Variants in F13A1 observed in about 807,000 individuals in gnomAD.
F13A1 encodes coagulation factor XIII A chain, also known as FSF, A subunit.
Under a neutral mutation model 80.1 loss-of-function variants are expected in F13A1, and 47 were observed. That is an observed-to-expected ratio of 0.59 (90% CI 0.46 to 0.75). The LOEUF (loss-of-function observed/expected upper bound fraction) is 0.75. F13A1 is among the 30% of genes least tolerant of loss of function. F13A1 has a pLI of 0.00. For missense variants in F13A1, 817 were observed against 930.4 expected (o/e 0.88, Z 1.59); for synonymous variants, 349 against 344.9 (o/e 1.01, Z -0.13).
chr6:6,197,436 T>C, intron 8 of F13A1, 110 bp from the exon 9 acceptor site: 2 of 1,032,724 alleles, frequency 1.9e-6, no homozygotes, highest in Non-Finnish European at 3.0e-6. Context: ...TCCCAGCAAT[T>C]TGGGAGGCCA....
At chr6:6,160,318 T>G (rs185616976) in intron 13 of F13A1, among the ~76,000 whole-genome samples, 48 of 151,266 alleles carry the variant, frequency 3.2e-4, no homozygotes, top group African/African-American at 1.1e-3. Flanking sequence ...CACTGTTGAA[T>G]TTTTCTCTGA....
intron 13 of F13A1, among the ~76,000 whole-genome samples, chr6:6,164,116 A>G (rs888806480): frequency 2.6e-5 from 4 of 152,126 alleles, no homozygotes; most frequent in Non-Finnish European, 5.9e-5. Context: ...TGTTTACAGG[A>G]AAAAAACCAA....
chr6:6,257,968 A>G (rs147793878), intron 4 of F13A1, among the ~76,000 whole-genome samples: 1,631 of 152,236 alleles, frequency 0.011, 27 homozygotes, highest in African/African-American at 0.037. Context: ...TTTTTTTCCC[A>G]GAGAAAGCTT....
intron 11 of F13A1, among the ~76,000 whole-genome samples, chr6:6,178,157 G>A (rs907568582): frequency 6.6e-6 from 1 of 152,020 alleles, no homozygotes; most frequent in East Asian, 1.9e-4. Flanking sequence ...GGCCTGAGGA[G>A]GTGAGGTGGA....
chr6:6,308,286 G>A (rs964413790), intron 2 of F13A1, among the ~76,000 whole-genome samples: 2 of 152,102 alleles, frequency 1.3e-5, no homozygotes, highest in Admixed American at 6.5e-5. Flanking sequence ...GCTTTCCAAA[G>A]TGCTAAGATT....
intron 8 of F13A1, among the ~76,000 whole-genome samples, chr6:6,212,838 G>C (rs1182272275): frequency 6.6e-6 from 1 of 152,164 alleles, no homozygotes; most frequent in Admixed American, 6.5e-5. Context: ...GCTTAAAGGA[G>C]CTGATGGAGC....
At chr6:6,289,885 G>A (rs570230893) in intron 3 of F13A1, among the ~76,000 whole-genome samples, 8 of 150,976 alleles carry the variant, frequency 5.3e-5, no homozygotes, top group South Asian at 2.1e-4. Context: ...TTTGAGACCC[G>A]CCTCAAATAG....
intron 3 of F13A1, among the ~76,000 whole-genome samples, chr6:6,301,665 A>T (rs561666940): frequency 1.1e-4 from 17 of 152,368 alleles, no homozygotes; most frequent in African/African-American, 4.1e-4. Flanking sequence ...AAGAGGACTT[A>T]AAATGTTCAC....
rs1458557690 is a variant in F13A1 at position 6,243,112 on chromosome 6, AC to A, written c.798+5199del. The stretch of plus-strand genomic sequence containing the variant: ...TGAGTGTTTTACCACCATCACCACC[AC>A]CACTACCACTATCACCACCATCATA... On this transcript the variant is annotated intron_variant, in intron 6 of 14. Coordinates refer to ENST00000264870, the MANE Select transcript of F13A1 (RefSeq NM_000129.4). This position sits in a 1 kb window ranked among gnomAD's most constrained non-coding sequence, Gnocchi z 4.2. Among the ~76,000 whole-genome samples the A allele has an allele frequency of 6.6e-6, 1 of 151,942 alleles. No homozygotes were observed. Among genetic ancestry groups the A allele is most frequent in the Non-Finnish European group, 1.5e-5 (1 of 67,970 alleles).
chr6:6,247,730 A>G (rs1407132563), intron 6 of F13A1, among the ~76,000 whole-genome samples: 1 of 152,192 alleles, frequency 6.6e-6, no homozygotes, highest in Admixed American at 6.5e-5. Context: ...TTGTCACTGA[A>G]AGCTGTCCTT....
intron 11 of F13A1, among the ~76,000 whole-genome samples, chr6:6,176,745 T>C (rs1364171533): frequency 2.0e-5 from 3 of 152,196 alleles, no homozygotes; most frequent in African/African-American, 4.8e-5. Flanking sequence ...ACATTAATGA[T>C]GATCACTTTG....
At chr6:6,206,589 G>A (rs1471796084) in intron 8 of F13A1, 1 of 508,928 alleles carries the variant, frequency 2.0e-6, no homozygotes, top group Admixed American at 2.1e-5. Flanking sequence ...CCAGCAGCAG[G>A]AATGGATGGG....
chr6:6,178,929 C>G (rs1274899488), intron 11 of F13A1, among the ~76,000 whole-genome samples: 3 of 152,174 alleles, frequency 2.0e-5, no homozygotes, highest in Non-Finnish European at 2.9e-5. Flanking sequence ...TTGAGAACAA[C>G]TTCAAGGAAG....
chr6:6,300,405 G>A (rs57281601), intron 3 of F13A1, among the ~76,000 whole-genome samples: 23,037 of 148,912 alleles, frequency 0.15, 5,098 homozygotes, highest in African/African-American at 0.49. Flanking sequence ...CTCCGTGGGC[G>A]TAGGACCCTC....
At chr6:6,249,151 A>C (rs1757595637) in intron 5 of F13A1, among the ~76,000 whole-genome samples, 1 of 152,230 alleles carries the variant, frequency 6.6e-6, no homozygotes, top group South Asian at 2.1e-4. Flanking sequence ...TCACTGTAGT[A>C]AGAGATTTTC....
At chr6:6,262,357 G>A (rs568691096) in intron 4 of F13A1, among the ~76,000 whole-genome samples, 27 of 152,368 alleles carry the variant, frequency 1.8e-4, no homozygotes, top group Admixed American at 1.2e-3. Flanking sequence ...CACAGATGTT[G>A]TGTGTGGCTG....
At chr6:6,295,209 G>C (rs1326862768) in intron 3 of F13A1, among the ~76,000 whole-genome samples, 1 of 146,378 alleles carries the variant, frequency 6.8e-6, no homozygotes, top group Non-Finnish European at 1.5e-5. Flanking sequence ...AAACATACGT[G>C]TGCATGTGTC....
At chr6:6,158,964 T>C (rs1047450766) in intron 13 of F13A1, among the ~76,000 whole-genome samples, 3 of 149,678 alleles carry the variant, frequency 2.0e-5, no homozygotes, top group Non-Finnish European at 3.0e-5. Context: ...TGCAGTGGTG[T>C]GATCTCAGCT....
At chr6:6,188,041 T>C (rs1761112710) in intron 10 of F13A1, among the ~76,000 whole-genome samples, 2 of 152,070 alleles carry the variant, frequency 1.3e-5, no homozygotes, top group African/African-American at 4.8e-5. Context: ...CTGATGGTAC[T>C]TTGTATTTCT....
Sources: gnomAD v4.1 joint callset for allele counts (sites outside exome capture counted in the v4.1 genomes callset) on GRCh38, gnomAD v4.1.1 for gene constraint, Gnocchi (gnomAD v3.1) non-coding constraint, MANE v1.5 for transcripts, NCBI Gene and HGNC (gene_info 2026-07-23, HGNC 2026-07-21) for gene names.